Variants in KCNIP4 observed in about 807,000 individuals in gnomAD.
KCNIP4 encodes potassium voltage-gated channel interacting protein 4, also known as Kv channel-interacting protein 4.
Under a neutral mutation model 34.0 loss-of-function variants are expected in KCNIP4, and 12 were observed. That is an observed-to-expected ratio of 0.35 (90% CI 0.23 to 0.57). The LOEUF is 0.57. Ranked by LOEUF, KCNIP4 falls within the 20% of genes least tolerant of loss-of-function variation. The pLI, the probability that KCNIP4 is intolerant of heterozygous loss-of-function variation, is 0.83. For synonymous variants in KCNIP4, 124 were observed against 102.2 expected, an observed-to-expected ratio of 1.21 and a Z score of -1.29; for missense variants, 238 against 311.7, an observed-to-expected ratio of 0.76 and a Z score of 1.78.
At chr4:21,788,551 C>T (rs918569572) in intron 1 of KCNIP4, among the ~76,000 whole-genome samples, 1 of 145,488 alleles carries the variant, frequency 6.9e-6, no homozygotes, top group African/African-American at 2.9e-5. Flanking sequence ...CTGCCTCAGG[C>T]AGGTCACCAG....
chr4:21,331,870 A>G (rs556683606), intron 1 of KCNIP4, among the ~76,000 whole-genome samples: 6 of 152,178 alleles, frequency 3.9e-5, no homozygotes, highest in African/African-American at 1.4e-4. Context: ...TTATAAATTC[A>G]CATGTCTGTT....
chr4:21,512,189 GAAGGAACGAAC>G (rs1267326843), intron 1 of KCNIP4, among the ~76,000 whole-genome samples: 4 of 65,250 alleles, frequency 6.1e-5, no homozygotes, highest in African/African-American at 1.5e-4. Context: ...AGGAACGAAC[GAAGGAACGAAC>G]GAAGGAAGGA....
At chr4:21,572,778 C>T (rs945896315) in intron 1 of KCNIP4, among the ~76,000 whole-genome samples, 1 of 152,040 alleles carries the variant, frequency 6.6e-6, no homozygotes, top group Non-Finnish European at 1.5e-5. Context: ...AGGCATGTGC[C>T]ACCACACCCA....
chr4:20,773,031 A>C (rs1275275899), intron 3 of KCNIP4, among the ~76,000 whole-genome samples: 1 of 135,532 alleles, frequency 7.4e-6, no homozygotes, highest in Non-Finnish European at 1.6e-5. Flanking sequence ...AGCAGCCCTG[A>C]GTCTCTGAAG....
intron 1 of KCNIP4, among the ~76,000 whole-genome samples, chr4:20,990,635 T>G (rs1737006398): frequency 6.6e-6 from 1 of 152,200 alleles, no homozygotes; most frequent in Non-Finnish European, 1.5e-5. Flanking sequence ...TATTTGGAAG[T>G]CCAACCAGAA....
intron 3 of KCNIP4, among the ~76,000 whole-genome samples, chr4:20,830,481 A>T (rs1718284555): frequency 6.6e-6 from 1 of 152,058 alleles, no homozygotes; most frequent in African/African-American, 2.4e-5. Context: ...GGAATCCTAG[A>T]TTCTGCATGT....
rs192360738 is a variant in KCNIP4 at position 21,768,466 on chromosome 4, A to G, written c.61+180105T>C. 7.9e-4 allele frequency among the ~76,000 whole-genome samples: 121 copies of G among 152,242 alleles called. 2 individuals are homozygous for G. Among genetic ancestry groups the G allele is most frequent in the Non-Finnish European group, 2.5e-4 (17 of 67,992 alleles). ...TGGTGTTGTGGTTACAATTCTGCATATCAAGGAAAAAGAGAAATGCTTCAC... is the reference window on the plus strand; with the variant it reads ...TGGTGTTGTGGTTACAATTCTGCATGTCAAGGAAAAAGAGAAATGCTTCAC... On this transcript the variant is annotated intron_variant, in intron 1 of 8. Coordinates refer to ENST00000382152, the MANE Select transcript of KCNIP4 (RefSeq NM_025221.6).
intron 3 of KCNIP4, among the ~76,000 whole-genome samples, chr4:20,831,175 G>A (rs1315524991): frequency 6.6e-6 from 1 of 151,058 alleles, no homozygotes; most frequent in Non-Finnish European, 1.5e-5. Flanking sequence ...CAGCAATTGA[G>A]CATCAGGATC....
chr4:21,579,010 AT>A (rs1193717045), intron 1 of KCNIP4, among the ~76,000 whole-genome samples: 3 of 152,056 alleles, frequency 2.0e-5, no homozygotes, highest in Admixed American at 6.6e-5. Context: ...AGAAGCCTAA[AT>A]TTTTTTCGTG....
At chr4:20,953,941 G>C (rs1440108279) in intron 1 of KCNIP4, among the ~76,000 whole-genome samples, 2 of 152,166 alleles carry the variant, frequency 1.3e-5, no homozygotes, top group African/African-American at 2.4e-5. Flanking sequence ...TTAGCAAGTA[G>C]AGTCACGGGA....
At chr4:20,870,331 C>T (rs559955361) in intron 2 of KCNIP4, among the ~76,000 whole-genome samples, 1 of 152,154 alleles carries the variant, frequency 6.6e-6, no homozygotes, top group Non-Finnish European at 1.5e-5. Flanking sequence ...CTGTCTCTCC[C>T]ACTCCACCAT....
rs75125946 is a variant in KCNIP4, at chr4:21,236,845, TAAA to T, written c.62-354139_62-354137del. On this transcript the variant is annotated intron_variant, in intron 1 of 8. Coordinates refer to ENST00000382152, the MANE Select transcript of KCNIP4 (RefSeq NM_025221.6). ...CAAGATGGTGAAACCCCACCTCTAC[TAAA>T]AAAAAAAAAAAATACCAAAAAATTA... Among the ~76,000 whole-genome samples the T allele has an allele frequency of 9.9e-3, 1,403 of 142,124 alleles. 53 individuals carry two copies. In the East Asian group the frequency reaches 0.16, roughly 16 times the overall value. The allele number at this position is 142,124 out of a possible 152,430, so 93.2% of individuals were successfully genotyped here.
At chr4:20,821,549 G>A (rs1717105271) in intron 3 of KCNIP4, among the ~76,000 whole-genome samples, 1 of 151,986 alleles carries the variant, frequency 6.6e-6, no homozygotes, top group African/African-American at 2.4e-5. Context: ...AAGCTCTTTT[G>A]TGGTGATTTC....
chr4:21,773,079 A>T (rs1660911865), intron 1 of KCNIP4, among the ~76,000 whole-genome samples: 1 of 152,058 alleles, frequency 6.6e-6, no homozygotes, highest in Non-Finnish European at 1.5e-5. Context: ...CCCTCTTAAC[A>T]CTGCTTTAGC....
At chr4:21,215,755 C>G (rs1757505826) in intron 1 of KCNIP4, among the ~76,000 whole-genome samples, 1 of 152,166 alleles carries the variant, frequency 6.6e-6, no homozygotes, top group East Asian at 1.9e-4. Flanking sequence ...TAAAAGTAAA[C>G]TAGCAATTAA....
chr4:21,785,372 C>A (rs28719053), intron 1 of KCNIP4, among the ~76,000 whole-genome samples: 13,793 of 151,916 alleles, frequency 0.091, 652 homozygotes, highest in Middle Eastern at 0.16. Context: ...AGGCTGATCA[C>A]TTGAGGTCAG....
chr4:21,285,864 T>G (rs1763089763), intron 1 of KCNIP4, among the ~76,000 whole-genome samples: 1 of 152,000 alleles, frequency 6.6e-6, no homozygotes, highest in African/African-American at 2.4e-5. Flanking sequence ...TAAACATAAA[T>G]AAACAACACA....
intron 1 of KCNIP4, among the ~76,000 whole-genome samples, chr4:21,280,476 G>A (rs572259992): frequency 6.6e-6 from 1 of 152,256 alleles, no homozygotes; most frequent in African/African-American, 2.4e-5. Flanking sequence ...ATCATTTCTA[G>A]TAACAGCAAA....
intron 1 of KCNIP4, among the ~76,000 whole-genome samples, chr4:21,468,096 T>TAATCG (rs771482362): frequency 6.6e-6 from 1 of 152,106 alleles, no homozygotes; most frequent in Non-Finnish European, 1.5e-5. Flanking sequence ...TAGGGGTAGG[T>TAATCG]AATCACATGT....
Sources: gnomAD v4.1 joint callset for allele counts (sites outside exome capture counted in the v4.1 genomes callset) on GRCh38, gnomAD v4.1.1 for gene constraint, MANE v1.5 for transcripts, NCBI Gene and HGNC (gene_info 2026-07-23, HGNC 2026-07-21) for gene names.